TSPAN3: variants seen among roughly 807,000 people sequenced by gnomAD.
The protein encoded by TSPAN3 is tetraspanin-3.
TSPAN3 carries 9 observed loss-of-function variants against 31.1 expected under a neutral mutation model. The observed-to-expected ratio is 0.29, with a 90% CI of 0.17 to 0.50. The LOEUF is 0.50. Ranked by LOEUF, TSPAN3 falls within the 20% of genes least tolerant of loss-of-function variation. The pLI is 0.98. For missense variants in TSPAN3, 252 were observed against 313.5 expected (o/e 0.80, Z 1.48); for synonymous variants, 129 against 114.3 (o/e 1.13, Z -0.82).
chr15:77,066,219 A>C (rs2076831905), intron 1 of TSPAN3, among the ~76,000 whole-genome samples: 1 of 152,194 alleles, frequency 6.6e-6, no homozygotes, highest in Admixed American at 6.5e-5. Flanking sequence ...CCAAACTAAA[A>C]ATCCTGTCTG....
chr15:77,064,123 A>G (rs2076816751), intron 1 of TSPAN3: 1 of 152,238 alleles, frequency 6.6e-6, no homozygotes, highest in Non-Finnish European at 1.5e-5. Flanking sequence ...CTTACCTATT[A>G]ACTCTGCCTA....
intron 5 of TSPAN3, 95 bp from the exon 6 acceptor site, chr15:77,052,563 CA>C (rs2076739143): frequency 7.7e-7 from 1 of 1,297,568 alleles, no homozygotes. Context: ...AGGAAAATGA[CA>C]GAAACTGAAA....
chr15:77,069,592 C>T (rs1042279975), intron 1 of TSPAN3, among the ~76,000 whole-genome samples: 1 of 152,222 alleles, frequency 6.6e-6, no homozygotes, highest in Non-Finnish European at 1.5e-5. Flanking sequence ...GGACTCTTCA[C>T]ACACAAACGC....
chr15:77,046,304 T>C lies in TSPAN3; in HGVS notation c.*531A>G, dbSNP rs1176498643. On this transcript the variant is annotated 3_prime_UTR_variant, in exon 7 of 7. Transcript: ENST00000267970. Reference sequence around the variant, plus strand: ...AAGATGAACCAAGATATACGCCATATGATCCTACAATCTATTTTAGTCATT... The same window carrying C: ...AAGATGAACCAAGATATACGCCATACGATCCTACAATCTATTTTAGTCATT... The C allele has an allele frequency of 2.5e-6, 1 of 399,342 alleles. No homozygotes were observed. The highest frequency in any genetic ancestry group is 4.4e-6 in the Non-Finnish European group (1 of 226,490). 24.7% of individuals were successfully genotyped at this position (399,342 alleles called of 1,614,324 possible). A position where few individuals can be genotyped will look rare whatever the true frequency, so the allele number is the denominator to read the frequency against.
chr15:77,050,901 CAAAGT>C (rs1021012255), intron 6 of TSPAN3, among the ~76,000 whole-genome samples: 2 of 152,158 alleles, frequency 1.3e-5, no homozygotes, highest in Non-Finnish European at 2.9e-5. Flanking sequence ...TGAATATCAG[CAAAGT>C]AAACAATCAT....
At chr15:77,049,729 T>G (rs1275126804) in intron 6 of TSPAN3, among the ~76,000 whole-genome samples, 1 of 152,186 alleles carries the variant, frequency 6.6e-6, no homozygotes, top group Non-Finnish European at 1.5e-5. Flanking sequence ...TTTAATGGAC[T>G]AGAGCAAGAG....
In TSPAN3 at chr15:77,043,647, AAAG is replaced by A. The variant is rs1415522917; in HGVS notation, c.*3185_*3187del. 2.6e-5 allele frequency: 4 copies of A among 152,284 alleles called. No homozygotes were observed. The East Asian group carries it at 7.7e-4, about 29-fold the overall frequency. 9.4% of individuals were successfully genotyped at this position (152,284 alleles called of 1,614,324 possible). On this transcript the variant is annotated 3_prime_UTR_variant, in exon 7 of 7. Transcript: ENST00000267970. ...CAAAGCTATGGAAATGATCCAGATT[AAAG>A]AAGACCAAGGAGACATGACAACTCA...
Position 77,071,009 on chromosome 15 carries a change from A to C in TSPAN3, c.-55T>G. ...GGAGAGCGGGGCTGCGCTCACCGAG[A>C]GAGCGGCAATGGCGGCGGCGCCTCC... On this transcript the variant is annotated 5_prime_UTR_variant, in exon 1 of 7. Coordinates refer to ENST00000267970, the MANE Select transcript of TSPAN3 (RefSeq NM_005724.6). 1 of 1,302,824 alleles carries C rather than the reference A, an allele frequency of 7.7e-7. No individual in the cohort carries two copies. Among genetic ancestry groups the C allele is most frequent in the Non-Finnish European group, 9.9e-7 (1 of 1,005,408 alleles). The allele number at this position is 1,302,824 out of a possible 1,614,324, so 80.7% of individuals were successfully genotyped here. A position where few individuals can be genotyped will look rare whatever the true frequency, so the allele number is the denominator to read the frequency against.
chr15:77,050,119 G>A (rs2076720881), intron 6 of TSPAN3, among the ~76,000 whole-genome samples: 1 of 152,126 alleles, frequency 6.6e-6, no homozygotes, highest in Non-Finnish European at 1.5e-5. Flanking sequence ...AAGCACAAAA[G>A]CTCACTGATC....
intron 1 of TSPAN3, chr15:77,068,161 C>G (rs1011441512): frequency 3.3e-5 from 5 of 152,182 alleles, no homozygotes; most frequent in Admixed American, 6.5e-5. Context: ...GGAGACATAC[C>G]TAATGCTGTT....
intron 1 of TSPAN3, among the ~76,000 whole-genome samples, chr15:77,063,210 TC>T (rs964755303): frequency 6.6e-6 from 1 of 152,230 alleles, no homozygotes; most frequent in Non-Finnish European, 1.5e-5. Flanking sequence ...CTTTGACTCA[TC>T]CTGTACATGT....
At position 77,070,981 on chromosome 15, in the gene TSPAN3, C is replaced by T; in HGVS notation, c.-27G>A. On this transcript the variant is annotated 5_prime_UTR_variant, in exon 1 of 7. Coordinates refer to ENST00000267970, the MANE Select transcript of TSPAN3 (RefSeq NM_005724.6). ...GCGCCGGTGGCCCGCGAAGGCCCGG[C>T]CCGGAGAGCGGGGCTGCGCTCACCG... 7.1e-7 allele frequency: 1 copy of T among 1,413,978 alleles called. No homozygotes were observed. The highest frequency in any genetic ancestry group is 1.9e-4 in the Middle Eastern group (1 of 5,136). 87.6% of individuals were successfully genotyped at this position (1,413,978 alleles called of 1,614,324 possible).
In TSPAN3 at chr15:77,070,931, G is replaced by A. The variant is rs1305401538; in HGVS notation, c.24C>T (p.Ser8=). The change falls in exon 1 of 7, where the codon TCC becomes TCT. Residue 8 remains serine, a synonymous_variant. Transcript: ENST00000267970. MGQCGIT[S]SKTVLVFLNL... ...TGAGAAAGACCAGCACGGTCTTGGA[G>A]GAGGTGATGCCGCACTGGCCCATGG... 2.8e-6 allele frequency: 4 copies of A among 1,444,854 alleles called. No homozygotes were observed. The highest frequency in any genetic ancestry group is 1.4e-5 in the South Asian group (1 of 73,682). The allele number at this position is 1,444,854 out of a possible 1,614,324, so 89.5% of individuals were successfully genotyped here.
intron 1 of TSPAN3, among the ~76,000 whole-genome samples, chr15:77,069,026 G>A (rs1298504418): frequency 6.6e-6 from 1 of 152,190 alleles, no homozygotes; most frequent in Non-Finnish European, 1.5e-5. Context: ...TGGGTCGAAT[G>A]GTAGGAGAAC....
chr15:77,052,579 G>A (rs1386047019), intron 5 of TSPAN3, 111 bp from the exon 6 acceptor site: 29 of 1,185,292 alleles, frequency 2.4e-5, no homozygotes, highest in South Asian at 4.1e-5. Context: ...CTGAAAGAGT[G>A]GAAAAAAGAT....
intron 1 of TSPAN3, among the ~76,000 whole-genome samples, chr15:77,065,919 C>T (rs1422551768): frequency 6.6e-6 from 1 of 152,054 alleles, no homozygotes; most frequent in Non-Finnish European, 1.5e-5. Context: ...TATACTATCA[C>T]CTCTCAGATG....
At chr15:77,047,360 G>A (rs1452235316) in intron 6 of TSPAN3, among the ~76,000 whole-genome samples, 1 of 152,178 alleles carries the variant, frequency 6.6e-6, no homozygotes, top group East Asian at 1.9e-4. Flanking sequence ...GTGGCTAGTG[G>A]CTACCATTCT....
chr15:77,069,921 G>C (rs935082103), intron 1 of TSPAN3: 2 of 152,240 alleles, frequency 1.3e-5, no homozygotes, highest in Non-Finnish European at 2.9e-5. Context: ...ACCAGACTGA[G>C]GACTTCTGCT....
chr15:77,049,128 A>G (rs1396965189), intron 6 of TSPAN3, among the ~76,000 whole-genome samples: 2 of 152,226 alleles, frequency 1.3e-5, no homozygotes, highest in Admixed American at 6.5e-5. Context: ...TTTGTTTTTA[A>G]GAAGGTACAA....
Sources: gnomAD v4.1 joint callset for allele counts (sites outside exome capture counted in the v4.1 genomes callset) on GRCh38, gnomAD v4.1.1 for gene constraint, MANE v1.5 for transcripts, NCBI Gene and HGNC (gene_info 2026-07-23, HGNC 2026-07-21) for gene names.